The following FGF12 variants were observed in gnomAD, a reference collection of about 807,000 sequenced individuals.
FGF12 encodes the protein fibroblast growth factor 12, also known as fibroblast growth factor 12B.
Under a neutral mutation model 23.6 loss-of-function variants are expected in FGF12, and 14 were observed. That is an observed-to-expected ratio of 0.59 (90% CI 0.39 to 0.93). The LOEUF (loss-of-function observed/expected upper bound fraction) is 0.93. Ranked by LOEUF, FGF12 falls within the 40% of genes least tolerant of loss-of-function variation. The pLI, the probability that FGF12 is intolerant of heterozygous loss-of-function variation, is 0.00. For synonymous variants in FGF12, 62 were observed against 77.3 expected (o/e 0.80, Z 1.04); for missense variants, 175 against 217.8 (o/e 0.80, Z 1.24).
At chr3:192,488,501 CT>C (rs1482141535) in intron 2 of FGF12, among the ~76,000 whole-genome samples, 4 of 152,036 alleles carry the variant, frequency 2.6e-5, no homozygotes, top group Non-Finnish European at 5.9e-5. Context: ...TTAGCTCCAC[CT>C]TTATCAATAC....
At chr3:192,169,708 C>A (rs1383207339) in intron 5 of FGF12, among the ~76,000 whole-genome samples, 1 of 151,704 alleles carries the variant, frequency 6.6e-6, no homozygotes, top group Non-Finnish European at 1.5e-5. Context: ...GAGAAACAAG[C>A]TTACTCAGCC....
chr3:192,495,612 T>C (rs1560128858), intron 2 of FGF12, among the ~76,000 whole-genome samples: 2 of 152,192 alleles, frequency 1.3e-5, no homozygotes, highest in African/African-American at 2.4e-5. Context: ...AAAATTCACA[T>C]AGTTTTTAAA....
At chr3:192,634,805 G>T (rs1343798341) in intron 2 of FGF12, among the ~76,000 whole-genome samples, 1 of 152,110 alleles carries the variant, frequency 6.6e-6, no homozygotes. Context: ...AAATAACTGT[G>T]AGTGTTTAAA....
intron 4 of FGF12, among the ~76,000 whole-genome samples, chr3:192,329,692 G>C (rs1044092821): frequency 6.6e-6 from 1 of 152,090 alleles, no homozygotes; most frequent in Non-Finnish European, 1.5e-5. Context: ...AATTTAGGTG[G>C]TCTTACAAGT....
At chr3:192,691,538 A>T (rs1717943433) in intron 2 of FGF12, among the ~76,000 whole-genome samples, 1 of 152,060 alleles carries the variant, frequency 6.6e-6, no homozygotes, top group Non-Finnish European at 1.5e-5. Flanking sequence ...CTGTAAAAGC[A>T]CTCCTAAGTA....
chr3:192,634,139 T>A (rs1715495155), intron 2 of FGF12, among the ~76,000 whole-genome samples: 1 of 152,160 alleles, frequency 6.6e-6, no homozygotes, highest in African/African-American at 2.4e-5. Flanking sequence ...TTTTTCTTTC[T>A]TTTTTCCTTT....
At chr3:192,420,820 T>C (rs913376631) in intron 2 of FGF12, among the ~76,000 whole-genome samples, 2 of 152,134 alleles carry the variant, frequency 1.3e-5, no homozygotes, top group African/African-American at 2.4e-5. Context: ...CACTTAATTA[T>C]TGGCAAAAAG....
intron 2 of FGF12, among the ~76,000 whole-genome samples, chr3:192,382,616 T>C (rs1437241852): frequency 6.6e-6 from 1 of 152,208 alleles, no homozygotes; most frequent in African/African-American, 2.4e-5. Context: ...TGTTTTTTCC[T>C]TCCTTTGCTA....
At chr3:192,339,403 C>T (rs1324730649) in intron 3 of FGF12, among the ~76,000 whole-genome samples, 3 of 152,120 alleles carry the variant, frequency 2.0e-5, no homozygotes, top group Non-Finnish European at 4.4e-5. Flanking sequence ...TCCTCTTAAG[C>T]CATTTTCCTG....
intron 2 of FGF12, among the ~76,000 whole-genome samples, chr3:192,721,809 C>T (rs986924556): frequency 2.0e-5 from 3 of 152,088 alleles, no homozygotes; most frequent in African/African-American, 7.2e-5. Flanking sequence ...TTCTCCCACA[C>T]AATAATTTTG....
At chr3:192,440,583 G>A (rs894661689) in intron 2 of FGF12, among the ~76,000 whole-genome samples, 2 of 152,206 alleles carry the variant, frequency 1.3e-5, no homozygotes, top group Non-Finnish European at 2.9e-5. Flanking sequence ...TGAGCTTCAC[G>A]ATTTTCCTTC....
chr3:192,531,542 AT>A (rs1372769059), intron 2 of FGF12, among the ~76,000 whole-genome samples: 1 of 151,438 alleles, frequency 6.6e-6, no homozygotes. Flanking sequence ...AGGTTTGGGT[AT>A]TTTTTTTTCT....
intron 2 of FGF12, among the ~76,000 whole-genome samples, chr3:192,388,535 T>C (rs1021190440): frequency 5.3e-5 from 8 of 152,138 alleles, no homozygotes; most frequent in African/African-American, 1.4e-4. Context: ...TTAGAAATCA[T>C]ATATGTATCA....
intron 4 of FGF12, among the ~76,000 whole-genome samples, chr3:192,310,705 T>A (rs932768097): frequency 9.2e-5 from 14 of 152,170 alleles, no homozygotes; most frequent in African/African-American, 2.7e-4. Context: ...ACCACCTCAT[T>A]AAGAGATATG....
chr3:192,675,808 G>A (rs1238320499), intron 2 of FGF12, among the ~76,000 whole-genome samples: 2 of 152,286 alleles, frequency 1.3e-5, no homozygotes, highest in South Asian at 2.1e-4. Flanking sequence ...TGTGCTTCAC[G>A]AGGCACTCAA....
At chr3:192,162,351 A>C (rs1714929921) in intron 5 of FGF12, among the ~76,000 whole-genome samples, 1 of 152,152 alleles carries the variant, frequency 6.6e-6, no homozygotes, top group Non-Finnish European at 1.5e-5. Context: ...TAATGAGATA[A>C]CAACTATAAC....
intron 3 of FGF12, among the ~76,000 whole-genome samples, chr3:192,348,085 A>G (rs926463392): frequency 1.3e-5 from 2 of 152,188 alleles, no homozygotes; most frequent in African/African-American, 4.8e-5. Context: ...TATATACTAT[A>G]GAAACAATAA....
At chr3:192,618,450 C>A (rs1714847151) in intron 2 of FGF12, among the ~76,000 whole-genome samples, 1 of 151,876 alleles carries the variant, frequency 6.6e-6, no homozygotes, top group African/African-American at 2.4e-5. Context: ...AAAATTATCA[C>A]TTCTAGGTGA....
chr3:192,561,134 C>CAT (rs771461597), intron 2 of FGF12, among the ~76,000 whole-genome samples: 2 of 151,878 alleles, frequency 1.3e-5, no homozygotes, highest in Non-Finnish European at 2.9e-5. Context: ...GAGTAACCAA[C>CAT]ATATATATAT....
Sources: gnomAD v4.1 joint callset for allele counts (sites outside exome capture counted in the v4.1 genomes callset) on GRCh38, gnomAD v4.1.1 for gene constraint, MANE v1.5 for transcripts, NCBI Gene and HGNC (gene_info 2026-07-23, HGNC 2026-07-21) for gene names.